Variants in PALLD observed in about 807,000 individuals in gnomAD.
The protein encoded by PALLD is palladin.
In PALLD, 61 loss-of-function variants were observed where a neutral mutation model predicts 123.5. The observed-to-expected ratio is 0.49, with a 90% CI of 0.40 to 0.61. The LOEUF is 0.61. Among genes scored for constraint, PALLD ranks in the 20% least tolerant of loss-of-function variants. PALLD has a pLI of 0.00. For missense variants in PALLD, 1,273 were observed against 1,377.0 expected (o/e 0.92, Z 1.20); for synonymous variants, 465 against 496.4 (o/e 0.94, Z 0.84).
intron 10 of PALLD, among the ~76,000 whole-genome samples, chr4:168,826,865 C>A (rs183630790): frequency 5.6e-4 from 86 of 152,244 alleles, no homozygotes; most frequent in African/African-American, 2.0e-3. Context: ...GGAACTGACC[C>A]CACTCTGTCC....
intron 2 of PALLD, among the ~76,000 whole-genome samples, chr4:168,625,504 T>TAGATAGATAG (rs769777583): frequency 1.7e-4 from 23 of 135,910 alleles, no homozygotes; most frequent in Non-Finnish European, 2.9e-4. Flanking sequence ...ATCCAGGAGA[T>TAGATAGATAG]ATATATATAT....
In PALLD at chr4:168,928,087, G is replaced by T; in HGVS notation, c.*1907G>T. On this transcript the variant is annotated 3_prime_UTR_variant, in exon 22 of 22. Coordinates refer to ENST00000505667, the MANE Select transcript of PALLD (RefSeq NM_001166108.2). ...CAACCAAGGTTTAAGTGATTAATAGGCTTGAGCACCGGGTGGCAGATGTTC... is the reference window on the plus strand; with the variant it reads ...CAACCAAGGTTTAAGTGATTAATAGTCTTGAGCACCGGGTGGCAGATGTTC... The T allele has an allele frequency of 5.1e-6, 1 of 195,352 alleles. No homozygotes were observed. Among genetic ancestry groups the T allele is most frequent in the South Asian group, 1.9e-4 (1 of 5,208 alleles). 12.1% of individuals were successfully genotyped at this position (195,352 alleles called of 1,614,324 possible).
rs377211727 is a variant in PALLD, at chr4:168,690,593, T to C, written c.1336-10T>C. 4 of 1,614,204 alleles carry C rather than the reference T, an allele frequency of 2.5e-6. No individual in the cohort carries two copies. The highest frequency in any genetic ancestry group is 3.4e-6 in the Non-Finnish European group (4 of 1,180,020). On this transcript the variant is annotated splice_polypyrimidine_tract_variant and intron_variant, in intron 6 of 21. Coordinates refer to ENST00000505667, the MANE Select transcript of PALLD (RefSeq NM_001166108.2). Reference sequence around the variant, plus strand: ...TGATGGGGTTTTCCTTGAATTTCCTTGAATTTCAGGAACTGCAAAACACAG... The same window carrying C: ...TGATGGGGTTTTCCTTGAATTTCCTCGAATTTCAGGAACTGCAAAACACAG...
chr4:168,767,902 C>T (rs1561501328), intron 10 of PALLD, among the ~76,000 whole-genome samples: 1 of 152,270 alleles, frequency 6.6e-6, no homozygotes, highest in East Asian at 1.9e-4. Flanking sequence ...CCAAGCCTGG[C>T]TTTCACCCCT....
intron 13 of PALLD, 90 bp from the exon 14 acceptor site, chr4:168,898,403 G>A (rs969491664): frequency 2.4e-6 from 2 of 817,926 alleles, no homozygotes; most frequent in Non-Finnish European, 4.3e-6. Flanking sequence ...AAATATCACT[G>A]TCTTCTAGGG....
intron 8 of PALLD, among the ~76,000 whole-genome samples, 165 bp downstream of exon 8, chr4:168,691,457 A>C (rs1463886098): frequency 6.6e-6 from 1 of 152,148 alleles, no homozygotes; most frequent in Non-Finnish European, 1.5e-5. Context: ...CTTCTTTATC[A>C]TGGAGTCTGT....
rs34076268 is a variant in PALLD, at chr4:168,755,232, C to CAA, written c.1964+43327_1964+43328dup. The stretch of plus-strand genomic sequence containing the variant: ...TGGGCGAGAGAGCAAGACTCCGTCT[C>CAA]AAAAAAAAAAAAAAAAAAAGGGCAG... On this transcript the variant is annotated intron_variant, in intron 10 of 21. Coordinates refer to ENST00000505667, the MANE Select transcript of PALLD (RefSeq NM_001166108.2). Among the ~76,000 whole-genome samples the CAA allele has an allele frequency of 4.3e-3, 452 of 104,514 alleles. 2 individuals carry two copies. Among genetic ancestry groups the CAA allele is most frequent in the African/African-American group, 0.016 (412 of 26,434 alleles). The allele number at this position is 104,514 out of a possible 152,430, so 68.6% of individuals were successfully genotyped here.
chr4:168,534,417 C>G (rs1412974764), intron 2 of PALLD, among the ~76,000 whole-genome samples: 1 of 152,150 alleles, frequency 6.6e-6, no homozygotes, highest in Non-Finnish European at 1.5e-5. Context: ...ATTTGTCTGT[C>G]TTATTAGGGA....
chr4:168,673,874 G>C (rs1280165685), intron 3 of PALLD, among the ~76,000 whole-genome samples: 1 of 146,128 alleles, frequency 6.8e-6, no homozygotes, highest in Non-Finnish European at 1.5e-5. Context: ...ATTAAGTGCT[G>C]TCTTTTGAAC....
intron 10 of PALLD, among the ~76,000 whole-genome samples, chr4:168,793,144 T>TGTGTGTGC (rs1157410045): frequency 6.2e-3 from 784 of 126,954 alleles, no homozygotes; most frequent in Non-Finnish European, 8.9e-3. Flanking sequence ...TATACATATA[T>TGTGTGTGC]ATGTGTGCAT....
intron 2 of PALLD, chr4:168,536,656 A>G (rs1406591364): frequency 6.6e-6 from 1 of 152,080 alleles, no homozygotes; most frequent in Non-Finnish European, 1.5e-5. Flanking sequence ...AAACCATCAG[A>G]TCTCGCGAGA....
intron 10 of PALLD, among the ~76,000 whole-genome samples, chr4:168,776,347 T>G (rs1167179636): frequency 6.6e-6 from 1 of 152,234 alleles, no homozygotes. Flanking sequence ...TACAGTTGAC[T>G]TCTATATTAT....
At chr4:168,579,988 A>G (rs781443321) in intron 2 of PALLD, among the ~76,000 whole-genome samples, 39 of 152,008 alleles carry the variant, frequency 2.6e-4, no homozygotes, top group Non-Finnish European at 4.1e-4. Context: ...TCCAAAATTT[A>G]TTCGTCCTGA....
intron 2 of PALLD, among the ~76,000 whole-genome samples, chr4:168,605,992 T>C (rs1222905470): frequency 6.6e-6 from 1 of 152,212 alleles, no homozygotes; most frequent in Non-Finnish European, 1.5e-5. Context: ...AGGGCATCTA[T>C]ATTTTAAATT....
chr4:168,539,311 C>T (rs773063213), intron 2 of PALLD, among the ~76,000 whole-genome samples: 4 of 152,038 alleles, frequency 2.6e-5, no homozygotes, highest in Non-Finnish European at 4.4e-5. Context: ...GAGTCCTGCC[C>T]GGGCGCGGTG....
intron 2 of PALLD, among the ~76,000 whole-genome samples, chr4:168,633,691 A>G (rs1776056561): frequency 6.6e-6 from 1 of 152,178 alleles, no homozygotes; most frequent in Admixed American, 6.5e-5. Flanking sequence ...ACTACAAGAG[A>G]CTTTTTAGAC....
chr4:168,622,775 C>T (rs1774887778), intron 2 of PALLD, among the ~76,000 whole-genome samples: 1 of 152,168 alleles, frequency 6.6e-6, no homozygotes, highest in South Asian at 2.1e-4. Flanking sequence ...AGTTAGAAAG[C>T]GAATGACCCA....
intron 2 of PALLD, among the ~76,000 whole-genome samples, chr4:168,554,566 C>T (rs1381404792): frequency 2.6e-5 from 4 of 152,050 alleles, no homozygotes; most frequent in Admixed American, 6.6e-5. Flanking sequence ...AAAACAAAAG[C>T]GACTATTATT....
At chr4:168,806,955 T>C (rs1345771823) in intron 10 of PALLD, among the ~76,000 whole-genome samples, 4 of 152,128 alleles carry the variant, frequency 2.6e-5, no homozygotes, top group Non-Finnish European at 5.9e-5. Flanking sequence ...CACTTATTCT[T>C]TCAACAAATG....
Sources: allele counts gnomAD v4.1 joint callset (sites outside exome capture counted in the v4.1 genomes callset), GRCh38; gene constraint gnomAD v4.1.1; transcripts MANE v1.5; gene names NCBI Gene and HGNC (gene_info 2026-07-23, HGNC 2026-07-21).